HPS5: variants seen among roughly 807,000 people sequenced by gnomAD.
HPS5 encodes HPS5 biogenesis of lysosomal organelles complex 2 subunit 2, also known as BLOC-2 complex member HPS5.
In HPS5, 83 loss-of-function variants were observed where a neutral mutation model predicts 128.0. That is an observed-to-expected ratio of 0.65 (90% CI 0.54 to 0.78). The LOEUF is 0.78. HPS5 is among the 30% of genes least tolerant of loss of function. The pLI is 0.00. For synonymous variants in HPS5, 475 were observed against 470.2 expected, an observed-to-expected ratio of 1.01 and a Z score of -0.13; for missense variants, 1,281 against 1,326.2, an observed-to-expected ratio of 0.97 and a Z score of 0.53.
rs928829573 is a variant in HPS5 at position 18,286,628 on chromosome 11, G to C, written c.2800C>G (p.Pro934Ala). ...TCATCATCCATTGTGCTGGTGCTTG[G>C]TGGAGCATCAAGGGACACTGCCAAA... Reference protein sequence around the residue: ...LLLAVSLDAPPSTSTMDDEGY... With the variant: ...LLLAVSLDAPASTSTMDDEGY... Residue 934 changes from proline (P) to alanine (A), a missense_variant, in exon 19 of 23, where the codon CCA becomes GCA. Transcript: ENST00000349215. The C allele has an allele frequency of 2.5e-6, 4 of 1,613,964 alleles. No individual in the cohort carries two copies. The highest frequency in any genetic ancestry group is 2.7e-5 in the African/African-American group (2 of 74,892).
At position 18,311,950 on chromosome 11, in the gene HPS5, T is replaced by A. The variant is rs1443499762; in HGVS notation, c.183A>T (p.Lys61Asn). 2 of 1,614,126 alleles carry A rather than the reference T, an allele frequency of 1.2e-6. No homozygotes were observed. The highest frequency in any genetic ancestry group is 1.6e-4 in the Middle Eastern group (1 of 6,062). The stretch of plus-strand genomic sequence containing the variant: ...GAAAAAGCCTGTGCTTCCAGCCTTC[T>A]TTCTGAATGAGATGGAGTCCTCCTC... ...SSGGGLHLIQ[K>N]EGWKHRLFLS... Residue 61 changes from lysine (K) to asparagine (N), a missense_variant, in exon 3 of 23, where the codon AAA becomes AAT. Lys to Asn is a moderately conservative substitution (Grantham distance 94). Coordinates refer to ENST00000349215, the MANE Select transcript of HPS5 (RefSeq NM_181507.2).
chr11:18,321,633 T>C (rs1864366633), intron 1 of HPS5, among the ~76,000 whole-genome samples: 1 of 152,210 alleles, frequency 6.6e-6, no homozygotes, highest in Admixed American at 6.5e-5. Context: ...TGCAAACATG[T>C]TTCTCTTTTG....
At chr11:18,290,239 A>G (rs1860234673) in intron 16 of HPS5, among the ~76,000 whole-genome samples, 1 of 152,244 alleles carries the variant, frequency 6.6e-6, no homozygotes, top group South Asian at 2.1e-4. Flanking sequence ...CCTGGGAGAC[A>G]GCTACCCACT....
chr11:18,317,333 G>A (rs1863756284), intron 2 of HPS5, among the ~76,000 whole-genome samples: 1 of 148,406 alleles, frequency 6.7e-6, no homozygotes, highest in African/African-American at 2.5e-5. Context: ...TCGACTCACT[G>A]CAACCTCCAC....
Position 18,291,427 on chromosome 11 carries a change from C to T in HPS5, c.2440+15G>A. The T allele has an allele frequency of 6.8e-7, 1 of 1,474,856 alleles. No homozygotes were observed. The allele number at this position is 1,474,856 out of a possible 1,614,324, so 91.4% of individuals were successfully genotyped here. On this transcript the variant is annotated intron_variant, in intron 16 of 22. Transcript: ENST00000349215. ...ATACGAATTTCTATCTTTGATAAGG[C>T]AATCTGAGTATTACCTTTCAATCCT...
intron 1 of HPS5, among the ~76,000 whole-genome samples, chr11:18,321,588 T>C (rs1292914170): frequency 6.6e-6 from 1 of 152,248 alleles, no homozygotes; most frequent in Non-Finnish European, 1.5e-5. Flanking sequence ...TCCATTATCG[T>C]AAAATAGTTC....
At chr11:18,293,026 T>C (rs1860618226) in intron 14 of HPS5, 50 bp from the exon 15 acceptor site, 2 of 1,400,132 alleles carry the variant, frequency 1.4e-6, no homozygotes, top group African/African-American at 4.1e-5. Flanking sequence ...TTAGAGGGGA[T>C]CAGAGCTTTT....
intron 5 of HPS5, 76 bp from the exon 6 acceptor site, chr11:18,309,155 T>C (rs1205900567): frequency 1.5e-6 from 2 of 1,376,188 alleles, no homozygotes; most frequent in Non-Finnish European, 1.0e-6. Context: ...CTTTACCTTG[T>C]AAATGAAAAT....
chr11:18,293,094 T>A, intron 14 of HPS5, 118 bp from the exon 15 acceptor site: 4 of 793,116 alleles, frequency 5.0e-6, no homozygotes, highest in Admixed American at 1.8e-5. Context: ...TGATCTCGGT[T>A]CATTGCAACC....
chr11:18,310,829 CAG>C lies in HPS5; in HGVS notation c.387_388del (p.Cys130LeufsTer7), dbSNP rs1862888820. ...AACTCTAAGAATAGCTGTATCCCAGCAGAGAGCTGTGACTCTTCGGCCTTTGT... is the reference window on the plus strand; with the variant it reads ...AACTCTAAGAATAGCTGTATCCCAGCAGAGCTGTGACTCTTCGGCCTTTGT... On this transcript the variant is annotated frameshift_variant, in exon 5 of 23. Coordinates refer to ENST00000349215, the MANE Select transcript of HPS5 (RefSeq NM_181507.2). LOFTEE classifies it high-confidence loss of function. 1 of 1,613,980 alleles carries C rather than the reference CAG, an allele frequency of 6.2e-7. No individual in the cohort carries two copies. Among genetic ancestry groups the C allele is most frequent in the Non-Finnish European group, 8.5e-7 (1 of 1,179,878 alleles).
intron 14 of HPS5, 55 bp from the exon 15 acceptor site, chr11:18,293,031 G>A: frequency 8.8e-7 from 1 of 1,135,952 alleles, no homozygotes; most frequent in East Asian, 2.9e-5. Context: ...GGGGATCAGA[G>A]CTTTTTTTGA....
At position 18,292,886 on chromosome 11, in the gene HPS5, T is replaced by C. The variant is rs748893542; in HGVS notation, c.1862+13A>G. ...CTTGAGACGTCACTATAAAAGTTTCTCATTATACTCACATTGCTTCTGCTG... is the reference window on the plus strand; with the variant it reads ...CTTGAGACGTCACTATAAAAGTTTCCCATTATACTCACATTGCTTCTGCTG... On this transcript the variant is annotated intron_variant, in intron 15 of 22. Coordinates refer to ENST00000349215, the MANE Select transcript of HPS5 (RefSeq NM_181507.2). The C allele has an allele frequency of 3.7e-6, 6 of 1,603,198 alleles. No individual in the cohort carries two copies. Among genetic ancestry groups the C allele is most frequent in the African/African-American group, 2.7e-5 (2 of 74,692 alleles).
At chr11:18,319,775 C>T (rs1217004491) in intron 1 of HPS5, among the ~76,000 whole-genome samples, 1 of 152,096 alleles carries the variant, frequency 6.6e-6, no homozygotes, top group Non-Finnish European at 1.5e-5. Flanking sequence ...TAAAACATTT[C>T]AATTACTCAA....
intron 2 of HPS5, among the ~76,000 whole-genome samples, chr11:18,313,711 C>A (rs1226772838): frequency 5.9e-5 from 9 of 151,836 alleles, no homozygotes; most frequent in Admixed American, 3.3e-4. Context: ...GTTAGGAGAT[C>A]GAGACCATCC....
intron 22 of HPS5, 46 bp downstream of exon 22, chr11:18,281,904 T>C (rs1250847084): frequency 6.2e-7 from 1 of 1,612,182 alleles, no homozygotes; most frequent in Non-Finnish European, 8.5e-7. Context: ...TGTGGCCTTC[T>C]ACCTTCTCCA....
chr11:18,282,148 G>C lies in HPS5; in HGVS notation c.3131C>G (p.Ala1044Gly). The change falls in exon 22 of 23, where the codon GCC becomes GGC. Residue 1044 changes from alanine (A) to glycine (G), a missense_variant. Coordinates refer to ENST00000349215, the MANE Select transcript of HPS5 (RefSeq NM_181507.2). The part of the protein sequence containing the change: ...HLIQSKSTRP[A>G]PQESLNGSLS... ...GCTCCCATTTAGTGACTCCTGGGGG[G>C]CTGGCCTCGTGCTCTTGCTCTGTAT... The C allele has an allele frequency of 1.2e-6, 2 of 1,614,174 alleles. No individual in the cohort carries two copies. Among genetic ancestry groups the C allele is most frequent in the South Asian group, 1.1e-5 (1 of 91,080 alleles).
At chr11:18,281,239 C>G (rs1858881589) in intron 22 of HPS5, among the ~76,000 whole-genome samples, 1 of 149,888 alleles carries the variant, frequency 6.7e-6, no homozygotes, top group African/African-American at 2.5e-5. Context: ...CCACCATGTC[C>G]AGTTAATTTT....
At position 18,306,341 on chromosome 11, in the gene HPS5, C is replaced by T. The variant is rs1862368490; in HGVS notation, c.618G>A (p.Lys206=). 1.2e-6 allele frequency: 2 copies of T among 1,612,600 alleles called. No homozygotes were observed. Among genetic ancestry groups the T allele is most frequent in the Non-Finnish European group, 1.7e-6 (2 of 1,178,754 alleles). The part of the protein sequence containing the change: ...RSFLCDTERE[K]FWKIGNKERD... ...TTTCCTTGTTTCCAATTTTCCAAAA[C>T]TTTTCTCTAACATCCAGAAAGGAAG... The change falls in exon 7 of 23, where the codon AAG becomes AAA. Residue 206 remains lysine, a synonymous_variant. Coordinates refer to ENST00000349215, the MANE Select transcript of HPS5 (RefSeq NM_181507.2).
At chr11:18,319,866 A>C (rs1185330592) in intron 1 of HPS5, among the ~76,000 whole-genome samples, 2 of 152,202 alleles carry the variant, frequency 1.3e-5, no homozygotes, top group Non-Finnish European at 2.9e-5. Context: ...GTAGTAGCTA[A>C]AAGTAGAGTC....
Sources: gnomAD v4.1 joint callset for allele counts (sites outside exome capture counted in the v4.1 genomes callset) on GRCh38, gnomAD v4.1.1 for gene constraint, MANE v1.5 for transcripts, NCBI Gene and HGNC (gene_info 2026-07-23, HGNC 2026-07-21) for gene names.